The following COL24A1 variants were observed in gnomAD, a reference collection of about 807,000 sequenced individuals.
COL24A1 encodes collagen type XXIV alpha 1 chain, also known as collagen alpha-1(XXIV) chain.
Under a neutral mutation model 253.9 loss-of-function variants are expected in COL24A1, and 224 were observed. The observed-to-expected ratio is 0.88, with a 90% CI of 0.79 to 0.99. The LOEUF (loss-of-function observed/expected upper bound fraction) is 0.99, where lower values mean the gene tolerates loss of function less well. Ranked by LOEUF, COL24A1 falls within the 50% of genes least tolerant of loss-of-function variation. The probability of loss-of-function intolerance (pLI) is 0.00; values close to 1 mark genes in which losing one functional copy is unlikely to be tolerated. For missense variants in COL24A1, 2,131 were observed against 2,068.5 expected (o/e 1.03, Z -0.59); for synonymous variants, 685 against 673.7 (o/e 1.02, Z -0.26).
chr1:86,124,840 C>T lies in COL24A1; in HGVS notation c.1491+5G>A. 1 of 1,472,800 alleles carries T rather than the reference C, an allele frequency of 6.8e-7. No homozygotes were observed. The highest frequency in any genetic ancestry group is 9.0e-7 in the Non-Finnish European group (1 of 1,112,948). The allele number at this position is 1,472,800 out of a possible 1,614,324, so 91.2% of individuals were successfully genotyped here. ...TTAGGAGATATTAAAAAAAAAAAAACTTACGGGAGGTCCAGTGTCTCCTTT... is the reference window on the plus strand; with the variant it reads ...TTAGGAGATATTAAAAAAAAAAAAATTTACGGGAGGTCCAGTGTCTCCTTT... On this transcript the variant is annotated splice_donor_5th_base_variant and intron_variant, in intron 3 of 59. Coordinates refer to ENST00000370571, the MANE Select transcript of COL24A1 (RefSeq NM_152890.7).
At chr1:86,039,724 A>C (rs1699313092) in intron 12 of COL24A1, among the ~76,000 whole-genome samples, 2 of 152,220 alleles carry the variant, frequency 1.3e-5, no homozygotes, top group Non-Finnish European at 2.9e-5. Context: ...AATTAGAAAC[A>C]CTAAAATTTA....
Position 86,156,372 on chromosome 1 carries a change from TTGTTCTGTGGGCTCTTAAA to T in COL24A1, c.6_24del (p.His2GlnfsTer35). The T allele has an allele frequency of 6.2e-7, 1 of 1,613,112 alleles. No individual in the cohort carries two copies. The highest frequency in any genetic ancestry group is 8.5e-7 in the Non-Finnish European group (1 of 1,179,570). On this transcript the variant is annotated frameshift_variant, in exon 1 of 60. Coordinates refer to ENST00000370571, the MANE Select transcript of COL24A1 (RefSeq NM_152890.7). LOFTEE classifies it high-confidence loss of function. ...GCCGTGGGGGAGACTTTTCCACGCCTTGTTCTGTGGGCTCTTAAATGCATTTGTATGCATTTGTCCGTGC... is the reference window on the plus strand; with the variant it reads ...GCCGTGGGGGAGACTTTTCCACGCCTTGCATTTGTATGCATTTGTCCGTGC...
intron 19 of COL24A1, among the ~76,000 whole-genome samples, chr1:86,009,800 A>C (rs760170887): frequency 1.3e-5 from 2 of 152,170 alleles, no homozygotes; most frequent in Non-Finnish European, 2.9e-5. Flanking sequence ...GATGTTATGA[A>C]GGCATTATAT....
At chr1:85,894,073 G>A (rs7512136) in intron 31 of COL24A1, among the ~76,000 whole-genome samples, 114,037 of 152,092 alleles carry the variant, frequency 0.75, 42,848 homozygotes, top group East Asian at 0.79. Flanking sequence ...GACTAAAAAC[G>A]CTAAGACTGT....
chr1:85,877,260 TATAACAC>T, intron 32 of COL24A1, 85 bp from the exon 33 acceptor site: 1 of 885,010 alleles, frequency 1.1e-6, no homozygotes, highest in Non-Finnish European at 1.7e-6. Context: ...GGTTTTATAA[TATAACAC>T]ATAACACATG....
intron 55 of COL24A1, among the ~76,000 whole-genome samples, chr1:85,754,813 G>C (rs1029891376): frequency 6.6e-6 from 1 of 152,058 alleles, no homozygotes; most frequent in Non-Finnish European, 1.5e-5. Context: ...AAAGTGAACA[G>C]AGACTTAAGA....
intron 35 of COL24A1, among the ~76,000 whole-genome samples, chr1:85,871,919 C>T (rs1044166302): frequency 2.6e-5 from 4 of 152,166 alleles, no homozygotes; most frequent in African/African-American, 7.2e-5. Flanking sequence ...TCCCTGTTTG[C>T]AGATGACATG....
At chr1:85,980,456 G>A (rs928379135) in intron 20 of COL24A1, among the ~76,000 whole-genome samples, 1 of 152,164 alleles carries the variant, frequency 6.6e-6, no homozygotes, top group Non-Finnish European at 1.5e-5. Flanking sequence ...AAAACTCCTA[G>A]CTCTGATAAA....
Position 85,980,090 on chromosome 1 carries a change from T to C in COL24A1, c.2364+7511A>G, listed in dbSNP as rs373219138. Among the ~76,000 whole-genome samples, 123 of 152,284 alleles carry C rather than the reference T, an allele frequency of 8.1e-4. 1 individual carries two copies. The South Asian group carries it at 0.018, about 23-fold the overall frequency. The stretch of plus-strand genomic sequence containing the variant: ...AACATCATTAAAAACAAAAATCATA[T>C]GATCATTTCAATAGTTGCAGAAAAA... On this transcript the variant is annotated intron_variant, in intron 20 of 59. Transcript: ENST00000370571.
At chr1:85,987,792 A>G in intron 19 of COL24A1, 138 bp from the exon 20 acceptor site, 1 of 664,874 alleles carries the variant, frequency 1.5e-6, no homozygotes, top group Non-Finnish European at 2.5e-6. Flanking sequence ...TTGAAGATTA[A>G]GTTAGGCAGT....
chr1:86,059,607 T>C (rs552325724), intron 8 of COL24A1, among the ~76,000 whole-genome samples: 1 of 152,158 alleles, frequency 6.6e-6, no homozygotes, highest in Admixed American at 6.5e-5. Context: ...CTCTACTTCT[T>C]TCCTAAAGTA....
intron 24 of COL24A1, among the ~76,000 whole-genome samples, chr1:85,945,433 T>G (rs1023985607): frequency 6.6e-6 from 1 of 151,716 alleles, no homozygotes; most frequent in Non-Finnish European, 1.5e-5. Flanking sequence ...AAATTATATG[T>G]GACTTCTTCA....
chr1:85,778,091 C>G (rs769364972), intron 52 of COL24A1, among the ~76,000 whole-genome samples: 5 of 149,858 alleles, frequency 3.3e-5, no homozygotes, highest in African/African-American at 1.2e-4. Context: ...GATACATACA[C>G]GTATCCATAG....
chr1:86,109,203 A>G (rs1221317991), intron 5 of COL24A1, among the ~76,000 whole-genome samples: 1 of 152,198 alleles, frequency 6.6e-6, no homozygotes, highest in African/African-American at 2.4e-5. Flanking sequence ...AGAAATTCCT[A>G]ATTTCTTTAG....
intron 7 of COL24A1, among the ~76,000 whole-genome samples, chr1:86,083,021 G>A (rs972190167): frequency 6.6e-6 from 1 of 151,996 alleles, no homozygotes; most frequent in Admixed American, 6.6e-5. Context: ...AAACTGGCCG[G>A]GCACGGTGGC....
chr1:85,969,002 T>C (rs1691846392), intron 22 of COL24A1, among the ~76,000 whole-genome samples: 1 of 152,172 alleles, frequency 6.6e-6, no homozygotes, highest in African/African-American at 2.4e-5. Flanking sequence ...GGATTAAAGA[T>C]GATTCATATA....
chr1:86,133,322 TC>T, intron 2 of COL24A1, among the ~76,000 whole-genome samples: 1 of 152,212 alleles, frequency 6.6e-6, no homozygotes. Context: ...CTTCCTCTTT[TC>T]CTAATTGAAT....
intron 55 of COL24A1, among the ~76,000 whole-genome samples, chr1:85,747,744 T>G (rs1665408927): frequency 6.6e-6 from 1 of 152,132 alleles, no homozygotes; most frequent in East Asian, 1.9e-4. Context: ...AATTATGGAT[T>G]TTCTTCTTTC....
intron 58 of COL24A1, chr1:85,736,444 T>C: frequency 4.4e-6 from 2 of 456,256 alleles, no homozygotes; most frequent in South Asian, 3.1e-5. Flanking sequence ...ATGAGGATGA[T>C]GATGTGGATA....
Sources: allele counts gnomAD v4.1 joint callset (sites outside exome capture counted in the v4.1 genomes callset), GRCh38; gene constraint gnomAD v4.1.1; transcripts MANE v1.5; gene names NCBI Gene and HGNC (gene_info 2026-07-23, HGNC 2026-07-21).